POSTN: variants seen among roughly 807,000 people sequenced by gnomAD.
POSTN encodes the protein periostin.
Under a neutral mutation model 104.5 loss-of-function variants are expected in POSTN, and 71 were observed. The ratio of observed to expected loss-of-function variants is 0.68; its 90% confidence interval spans 0.56 to 0.83. POSTN has a LOEUF of 0.83. Among genes scored for constraint, POSTN ranks in the 40% least tolerant of loss-of-function variants. The pLI is 0.00. For synonymous variants in POSTN, 355 were observed against 340.7 expected (o/e 1.04, Z -0.46); for missense variants, 949 against 1,006.8 (o/e 0.94, Z 0.78).
intron 1 of POSTN, 150 bp from the exon 2 acceptor site, chr13:37,597,432 C>A (rs1951117706): frequency 5.0e-6 from 3 of 604,162 alleles, no homozygotes; most frequent in East Asian, 3.3e-5. Flanking sequence ...ATTATTGACA[C>A]AATCCTACTG....
At chr13:37,576,112 C>A (rs764045373) in intron 16 of POSTN, among the ~76,000 whole-genome samples, 3 of 152,094 alleles carry the variant, frequency 2.0e-5, no homozygotes, top group Non-Finnish European at 4.4e-5. Flanking sequence ...TTTTAGCCCT[C>A]TCCAGGTCAA....
intron 3 of POSTN, 23 bp from the exon 4 acceptor site, chr13:37,590,552 C>T: frequency 6.3e-7 from 1 of 1,596,952 alleles, no homozygotes; most frequent in Non-Finnish European, 8.6e-7. Context: ...AGAAATGAAT[C>T]AGTACTGGGG....
chr13:37,571,900 A>G (rs1387488768), intron 17 of POSTN, among the ~76,000 whole-genome samples: 1 of 151,586 alleles, frequency 6.6e-6, no homozygotes, highest in East Asian at 1.9e-4. Context: ...AAAATCACTC[A>G]GTACCTTATA....
At chr13:37,585,998 G>T in intron 7 of POSTN, 141 bp downstream of exon 7, 1 of 629,412 alleles carries the variant, frequency 1.6e-6, no homozygotes, top group Non-Finnish European at 2.5e-6. Context: ...AAGGACTTTT[G>T]GAAGACATAG....
At chr13:37,593,171 C>T (rs184925582) in intron 2 of POSTN, among the ~76,000 whole-genome samples, 1 of 150,646 alleles carries the variant, frequency 6.6e-6, no homozygotes, top group African/African-American at 2.4e-5. Context: ...GGTAACAGAC[C>T]AGAAAATTCA....
chr13:37,579,149 A>G (rs1950505016), intron 13 of POSTN, 28 bp from the exon 14 acceptor site: 1 of 1,604,414 alleles, frequency 6.2e-7, no homozygotes, highest in African/African-American at 1.3e-5. Flanking sequence ...AATTTCAATG[A>G]GGAAATTTCA....
At chr13:37,571,554 C>G in intron 17 of POSTN, 96 bp from the exon 18 acceptor site, 1 of 882,242 alleles carries the variant, frequency 1.1e-6, no homozygotes, top group Non-Finnish European at 1.7e-6. Context: ...TGTGACTCAA[C>G]TCAAATGTCA....
chr13:37,577,471 T>C (rs1291181903), intron 16 of POSTN, among the ~76,000 whole-genome samples: 1 of 152,150 alleles, frequency 6.6e-6, no homozygotes, highest in Non-Finnish European at 1.5e-5. Flanking sequence ...TCTCTTCCCT[T>C]TATATGTCTT....
In POSTN at chr13:37,583,385, T is replaced by C. The variant is rs145781375; in HGVS notation, c.1243+584A>G. ...TTTTAGAGATCTGTCAATGCATCCT[T>C]ATTGTGCTGGAAATATTAGATTCAC... On this transcript the variant is annotated intron_variant, in intron 9 of 22. Transcript: ENST00000379747. 8.3e-3 allele frequency among the ~76,000 whole-genome samples: 1,261 copies of C among 152,086 alleles called. 16 individuals are homozygous for C. Among genetic ancestry groups the C allele is most frequent in the African/African-American group, 0.029 (1,209 of 41,488 alleles).
Position 37,598,717 on chromosome 13 carries a change from AGGGAATCATCTTGAGTCTCT to A in POSTN, c.-11_9del. 6.2e-7 allele frequency: 1 copy of A among 1,612,944 alleles called. No homozygotes were observed. The highest frequency in any genetic ancestry group is 8.5e-7 in the Non-Finnish European group (1 of 1,179,108). Reference sequence around the variant, plus strand: ...AATAGTAGAGAAAACATGGGTAAAAAGGGAATCATCTTGAGTCTCTCCGTTGCAGTTAGTCCCCGAAGAGA... The same window carrying A: ...AATAGTAGAGAAAACATGGGTAAAAACCGTTGCAGTTAGTCCCCGAAGAGA... On this transcript the variant is annotated start_lost and 5_prime_UTR_variant, in exon 1 of 23. Coordinates refer to ENST00000379747, the MANE Select transcript of POSTN (RefSeq NM_006475.3).
chr13:37,591,057 T>G (rs977124908), intron 3 of POSTN, among the ~76,000 whole-genome samples: 4 of 152,198 alleles, frequency 2.6e-5, no homozygotes, highest in Non-Finnish European at 4.4e-5. Context: ...CTGACCCTAT[T>G]TATTTGAAAA....
At chr13:37,577,652 A>T in intron 16 of POSTN, 101 bp downstream of exon 16, 1 of 1,464,724 alleles carries the variant, frequency 6.8e-7, no homozygotes. Flanking sequence ...TTGGAATTCT[A>T]AATACCAGAT....
chr13:37,563,265 T>A lies in POSTN; in HGVS notation c.*68A>T. 1 of 1,107,218 alleles carries A rather than the reference T, an allele frequency of 9.0e-7. No homozygotes were observed. Among genetic ancestry groups the A allele is most frequent in the East Asian group, 2.4e-5 (1 of 40,978 alleles). 68.6% of individuals were successfully genotyped at this position (1,107,218 alleles called of 1,614,324 possible). On this transcript the variant is annotated 3_prime_UTR_variant, in exon 23 of 23. Coordinates refer to ENST00000379747, the MANE Select transcript of POSTN (RefSeq NM_006475.3). Reference sequence around the variant, plus strand: ...TCAGTTCCTGAAGTCAACTTGGCTCTCACAATTTTCTAAGGTCAGGTTATT... The same window carrying A: ...TCAGTTCCTGAAGTCAACTTGGCTCACACAATTTTCTAAGGTCAGGTTATT...
At chr13:37,577,911 TA>T (rs1950461500) in intron 15 of POSTN, 113 bp from the exon 16 acceptor site, 4 of 1,490,592 alleles carry the variant, frequency 2.7e-6, no homozygotes, top group Non-Finnish European at 3.6e-6. Context: ...TTATTACACT[TA>T]ATAGAAGTGA....
intron 15 of POSTN, among the ~76,000 whole-genome samples, chr13:37,578,197 G>A (rs958110754): frequency 1.3e-5 from 2 of 152,078 alleles, no homozygotes; most frequent in Admixed American, 6.5e-5. Context: ...ATGATACAAC[G>A]ATTTTAGTCA....
In POSTN at chr13:37,580,541, G is replaced by A. The variant is rs759276919; in HGVS notation, c.1529+20C>T. ...GCCAATAGCTCTCATTCTCTGTGGA[G>A]GTGCCACTAATAGGCTTACCTAAAG... On this transcript the variant is annotated intron_variant, in intron 11 of 22. Coordinates refer to ENST00000379747, the MANE Select transcript of POSTN (RefSeq NM_006475.3). 5.2e-5 allele frequency: 84 copies of A among 1,613,424 alleles called. No homozygotes were observed. The South Asian group carries it at 9.1e-4, about 18-fold the overall frequency.
intron 9 of POSTN, among the ~76,000 whole-genome samples, chr13:37,583,523 A>G (rs1950661813): frequency 7.0e-6 from 1 of 142,194 alleles, no homozygotes; most frequent in South Asian, 2.3e-4. Context: ...TCCTGGGTTC[A>G]GTTCAATTCT....
chr13:37,593,458 C>A (rs1951001286), intron 2 of POSTN, among the ~76,000 whole-genome samples: 1 of 151,080 alleles, frequency 6.6e-6, no homozygotes, highest in Non-Finnish European at 1.5e-5. Context: ...GGTACATGTA[C>A]CAAACAATTA....
intron 10 of POSTN, 87 bp downstream of exon 10, chr13:37,582,279 C>A: frequency 7.0e-7 from 1 of 1,418,778 alleles, no homozygotes; most frequent in Non-Finnish European, 9.5e-7. Context: ...TAGAACCACA[C>A]TCATAAAATT....
Sources: gnomAD v4.1 joint callset for allele counts (sites outside exome capture counted in the v4.1 genomes callset) on GRCh38, gnomAD v4.1.1 for gene constraint, MANE v1.5 for transcripts, NCBI Gene and HGNC (gene_info 2026-07-23, HGNC 2026-07-21) for gene names.